TSC2: variants seen among roughly 807,000 people sequenced by gnomAD.
TSC2 encodes TSC complex subunit 2.
In TSC2, 29 loss-of-function variants were observed where a neutral mutation model predicts 202.2. The ratio of observed to expected loss-of-function variants is 0.14; its 90% confidence interval spans 0.11 to 0.20. The LOEUF is 0.20. Ranked by LOEUF, TSC2 falls within the 10% of genes least tolerant of loss-of-function variation. The pLI is 1.00. For synonymous variants in TSC2, 1,349 were observed against 1,044.0 expected, an observed-to-expected ratio of 1.29 and a Z score of -5.63; for missense variants, 2,429 against 2,420.0, an observed-to-expected ratio of 1.00 and a Z score of -0.08.
At chr16:2,051,910 C>G (rs1187738493) in intron 3 of TSC2, among the ~76,000 whole-genome samples, 6 of 152,134 alleles carry the variant, frequency 3.9e-5, no homozygotes, top group African/African-American at 1.4e-4. Context: ...ACTAAAGATA[C>G]AAAAATTAGC....
chr16:2,066,986 A>C (rs950038671), intron 16 of TSC2, among the ~76,000 whole-genome samples: 25 of 151,938 alleles, frequency 1.6e-4, no homozygotes, highest in African/African-American at 6.0e-4. Context: ...AAAGCCTCAC[A>C]GCATCACTTA....
At chr16:2,071,482 C>T (rs1243379199) in intron 17 of TSC2, 28 bp from the exon 18 acceptor site, 1 of 1,612,694 alleles carries the variant, frequency 6.2e-7, no homozygotes, top group Non-Finnish European at 8.5e-7. Flanking sequence ...GAGCTTGGCT[C>T]TGGCTTTCAC....
rs778043743 is a variant in TSC2 at position 2,087,832 on chromosome 16, G to GCGGGGATGACCCTTTCTCTTGTC, written c.4990-26_4990-4dup. 3.1e-6 allele frequency: 5 copies of GCGGGGATGACCCTTTCTCTTGTC among 1,610,962 alleles called. No individual in the cohort carries two copies. The highest frequency in any genetic ancestry group is 1.7e-4 in the Middle Eastern group (1 of 6,048). Reference sequence around the variant, plus strand: ...GATCAGCCTTCAGCACACGCTGTGTGCGGGGATGACCCTTTCTCTTGTCCG... The same window carrying GCGGGGATGACCCTTTCTCTTGTC: ...GATCAGCCTTCAGCACACGCTGTGTGCGGGGATGACCCTTTCTCTTGTCCGGGGATGACCCTTTCTCTTGTCCG... On this transcript the variant is annotated intron_variant, in intron 38 of 41. Coordinates refer to ENST00000219476, the MANE Select transcript of TSC2 (RefSeq NM_000548.5).
Position 2,056,540 on chromosome 16 carries a change from A to C in TSC2, c.649-104A>C, listed in dbSNP as rs527525473. ...GAGAGGGTGCCATGGCAGCGGGGAG[A>C]GGTGGCAGCGCAGGCTGAAGGAGGT... On this transcript the variant is annotated intron_variant, in intron 7 of 41. Coordinates refer to ENST00000219476, the MANE Select transcript of TSC2 (RefSeq NM_000548.5). 50 of 1,503,822 alleles carry C rather than the reference A, an allele frequency of 3.3e-5. No individual in the cohort carries two copies. The African/African-American group carries it at 6.9e-4, about 21-fold the overall frequency. The allele number at this position is 1,503,822 out of a possible 1,614,324, so 93.2% of individuals were successfully genotyped here. A position where few individuals can be genotyped will look rare whatever the true frequency, so the allele number is the denominator to read the frequency against.
rs1057523452 is a variant in TSC2, at chr16:2,081,772, C to T, written c.3788C>T (p.Pro1263Leu). 3.7e-6 allele frequency: 6 copies of T among 1,612,514 alleles called. No homozygotes were observed. The highest frequency in any genetic ancestry group is 5.1e-6 in the Non-Finnish European group (6 of 1,180,000). Residue 1263 changes from proline (P) to leucine (L), a missense_variant, in exon 31 of 42, where the codon CCC becomes CTC. Transcript: ENST00000219476. ...LSVPAASTAK[P>L]PPLPRSNTVA... ...GTGCCGGCAGCCAGCACGGCCAAACCCCCTCCTCTGCCTCGCTCCAACACA... is the reference window on the plus strand; with the variant it reads ...GTGCCGGCAGCCAGCACGGCCAAACTCCCTCCTCTGCCTCGCTCCAACACA...
intron 38 of TSC2, chr16:2,087,072 CTGAG>C (rs2090905582): frequency 4.0e-6 from 3 of 756,532 alleles, no homozygotes; most frequent in South Asian, 1.7e-5. Context: ...GCGCCTGCTG[CTGAG>C]TGTCTGTCAG....
intron 13 of TSC2, 52 bp downstream of exon 13, chr16:2,062,652 T>G: frequency 7.2e-6 from 11 of 1,528,428 alleles, no homozygotes; most frequent in African/African-American, 1.4e-5. Flanking sequence ...GCCCTGTCTC[T>G]GTCTGGGGCC....
At chr16:2,081,876 C>G in intron 31 of TSC2, 78 bp downstream of exon 31, 2 of 1,555,752 alleles carry the variant, frequency 1.3e-6, no homozygotes, top group South Asian at 1.2e-5. Context: ...TGTGGCTCCT[C>G]TCTGCTGAGG....
chr16:2,053,517 T>G, intron 4 of TSC2, 65 bp downstream of exon 4: 1 of 1,482,286 alleles, frequency 6.7e-7, no homozygotes, highest in Non-Finnish European at 9.1e-7. Flanking sequence ...CTGTCCCTGC[T>G]GGGCCGTGTT....
chr16:2,048,746 T>C lies in TSC2; in HGVS notation c.131T>C (p.Ile44Thr), dbSNP rs1190102918. The change falls in exon 2 of 42, where the codon ATA becomes ACA. Residue 44 changes from isoleucine (I) to threonine (T), a missense_variant. Ile to Thr is a moderately conservative substitution (Grantham distance 89). Transcript: ENST00000219476. Reference protein sequence around the residue: ...KQTEFIITAEILRELSMECGL... With the variant: ...KQTEFIITAETLRELSMECGL... ...ACGGAGTTTATCATCACCGCGGAAATACTGAGAGTGAGTGAGCTACCTGTG... is the reference window on the plus strand; with the variant it reads ...ACGGAGTTTATCATCACCGCGGAAACACTGAGAGTGAGTGAGCTACCTGTG... The C allele has an allele frequency of 9.9e-6, 16 of 1,613,882 alleles. No homozygotes were observed. The highest frequency in any genetic ancestry group is 1.3e-5 in the Non-Finnish European group (15 of 1,180,030).
chr16:2,061,734 C>G (rs1031268235), intron 11 of TSC2, 137 bp from the exon 12 acceptor site: 15 of 1,439,944 alleles, frequency 1.0e-5, no homozygotes, highest in Non-Finnish European at 1.2e-5. Context: ...GGGCTGGGGG[C>G]GTCTGTCCCC....
At chr16:2,074,646 C>T in intron 22 of TSC2, 1 of 556,794 alleles carries the variant, frequency 1.8e-6, no homozygotes, top group Non-Finnish European at 3.2e-6. Flanking sequence ...GAGCAGTGGC[C>T]CTCCCCTGGT....
rs45517251 is a variant in TSC2, at chr16:2,075,884, C to T, written c.2631C>T (p.Asn877=). The change falls in exon 23 of 42, where the codon AAC becomes AAT. Residue 877 remains asparagine, a synonymous_variant. Transcript: ENST00000219476. Reference sequence around the variant, plus strand: ...TCGCCATCTCCCTGCCGTACACCAACCCCTCCAAGTGAGTGGTCGCCCCAG... The same window carrying T: ...TCGCCATCTCCCTGCCGTACACCAATCCCTCCAAGTGAGTGGTCGCCCCAG... ...SVFAISLPYT[N]PSKFNQYIVC... 8.7e-6 allele frequency: 14 copies of T among 1,613,076 alleles called. No individual in the cohort carries two copies. The highest frequency in any genetic ancestry group is 2.2e-5 in the South Asian group (2 of 91,094).
At position 2,063,063 on chromosome 16, in the gene TSC2, C is replaced by G. The variant is rs1222870951; in HGVS notation, c.1443+10C>G. 6.4e-7 allele frequency: 1 copy of G among 1,551,434 alleles called. No homozygotes were observed. Among genetic ancestry groups the G allele is most frequent in the African/African-American group, 1.4e-5 (1 of 73,174 alleles). ...CAGGCAGTTCTATGAGGTGCGTGTC[C>G]AGGCGGCCGCAGCTGGGGGCTCAGG... On this transcript the variant is annotated intron_variant, in intron 14 of 41. Coordinates refer to ENST00000219476, the MANE Select transcript of TSC2 (RefSeq NM_000548.5).
Position 2,081,768 on chromosome 16 carries a change from A to C in TSC2, c.3784A>C (p.Lys1262Gln). 6.2e-7 allele frequency: 1 copy of C among 1,612,722 alleles called. No individual in the cohort carries two copies. The highest frequency in any genetic ancestry group is 1.1e-5 in the South Asian group (1 of 91,074). Residue 1262 changes from lysine (K) to glutamine (Q), a missense_variant, in exon 31 of 42, where the codon AAA (lysine) becomes CAA (glutamine). Lys to Gln is a moderately conservative substitution (Grantham distance 53, BLOSUM62 1). Transcript: ENST00000219476. The stretch of plus-strand genomic sequence containing the variant: ...GTCGGTGCCGGCAGCCAGCACGGCC[A>C]AACCCCCTCCTCTGCCTCGCTCCAA... ...SLSVPAASTAKPPPLPRSNTV... is the reference protein window; with the variant it reads ...SLSVPAASTAQPPPLPRSNTV...
chr16:2,056,554 G>A (rs2151075145), intron 7 of TSC2, 90 bp from the exon 8 acceptor site: 10 of 1,558,944 alleles, frequency 6.4e-6, no homozygotes, highest in Non-Finnish European at 8.7e-6. Context: ...GGCAGCGCAG[G>A]CTGAAGGAGG....
At chr16:2,060,064 G>A (rs1422816419) in intron 10 of TSC2, among the ~76,000 whole-genome samples, 1 of 152,076 alleles carries the variant, frequency 6.6e-6, no homozygotes, top group African/African-American at 2.4e-5. Flanking sequence ...TTCTCTTGCT[G>A]TTGGCGGCTC....
intron 19 of TSC2, 146 bp downstream of exon 19, chr16:2,072,080 C>G: frequency 2.7e-6 from 4 of 1,492,906 alleles, no homozygotes; most frequent in East Asian, 4.9e-5. Context: ...CCCCGAGCAG[C>G]TGCAGGGACA....
In TSC2 at chr16:2,080,760, A is replaced by G. The variant is rs527384026; in HGVS notation, c.3610+383A>G. On this transcript the variant is annotated intron_variant, in intron 30 of 41. Transcript: ENST00000219476. ...TGGCCTCCCAAAGTGCTGGGATTAC[A>G]GGCGTGAGCCACCGCGCCCAGCCAT... is the stretch of plus-strand genomic sequence containing the variant. 68 of 254,080 alleles carry G rather than the reference A, an allele frequency of 2.7e-4. No homozygotes were observed. The East Asian group carries it at 5.0e-3, about 19-fold the overall frequency. The allele number at this position is 254,080 out of a possible 1,614,324, so 15.7% of individuals were successfully genotyped here. A position where few individuals can be genotyped will look rare whatever the true frequency, so the allele number is the denominator to read the frequency against.
Sources: allele counts gnomAD v4.1 joint callset (sites outside exome capture counted in the v4.1 genomes callset), GRCh38; gene constraint gnomAD v4.1.1; transcripts MANE v1.5; gene names NCBI Gene and HGNC (gene_info 2026-07-23, HGNC 2026-07-21).